The following APAF1 variants were observed in gnomAD, a reference collection of about 807,000 sequenced individuals.
The protein encoded by APAF1 is apoptotic peptidase activating factor 1.
APAF1 carries 91 observed loss-of-function variants against 152.4 expected under a neutral mutation model. That is an observed-to-expected ratio of 0.60 (90% CI 0.50 to 0.71). APAF1 has a LOEUF of 0.71. APAF1 is among the 30% of genes least tolerant of loss of function. The pLI is 0.00. For missense variants in APAF1, 1,283 were observed against 1,472.0 expected (o/e 0.87, Z 2.10); for synonymous variants, 484 against 494.1 (o/e 0.98, Z 0.27).
Position 98,671,698 on chromosome 12 carries a change from G to T in APAF1, c.1772G>T (p.Gly591Val). 1.9e-6 allele frequency: 3 copies of T among 1,614,102 alleles called. No individual in the cohort carries two copies. The highest frequency in any genetic ancestry group is 2.5e-6 in the Non-Finnish European group (3 of 1,180,006). The change falls in exon 12 of 27, where the codon GGA (glycine) becomes GTA (valine). Residue 591 changes from glycine (G) to valine (V), a missense_variant. Coordinates refer to ENST00000551964, the MANE Select transcript of APAF1 (RefSeq NM_181861.2). ...KLQAKQEVDNGMLYLEWINKK... is the reference protein window; with the variant it reads ...KLQAKQEVDNVMLYLEWINKK... Reference sequence around the variant, plus strand: ...CAGGCCAAGCAGGAGGTCGATAATGGAATGCTTTACCTGGAATGGATGTAA... The same window carrying T: ...CAGGCCAAGCAGGAGGTCGATAATGTAATGCTTTACCTGGAATGGATGTAA...
At position 98,718,770 on chromosome 12, in the gene APAF1, G is replaced by A. The variant is rs551951062; in HGVS notation, c.3084+3218G>A. Reference sequence around the variant, plus strand: ...GGCAACATAGCGAGACCCCATCTCTGCAAAACAAAATAATTTAGCCAGGTG... The same window carrying A: ...GGCAACATAGCGAGACCCCATCTCTACAAAACAAAATAATTTAGCCAGGTG... On this transcript the variant is annotated intron_variant, in intron 22 of 26. Transcript: ENST00000551964. Among the ~76,000 whole-genome samples, 5 of 151,676 alleles carry A rather than the reference G, an allele frequency of 3.3e-5. No individual in the cohort carries two copies. The South Asian group carries it at 1.0e-3, about 32-fold the overall frequency.
intron 22 of APAF1, among the ~76,000 whole-genome samples, chr12:98,717,371 T>C (rs2097736059): frequency 6.6e-6 from 1 of 151,314 alleles, no homozygotes; most frequent in African/African-American, 2.4e-5. Flanking sequence ...CACACACATA[T>C]AATTTTTTTT....
In APAF1 at chr12:98,715,457, C is replaced by T; in HGVS notation, c.2989C>T (p.Gln997Ter). 6.2e-7 allele frequency: 1 copy of T among 1,613,104 alleles called. No individual in the cohort carries two copies. The highest frequency in any genetic ancestry group is 8.5e-7 in the Non-Finnish European group (1 of 1,179,618). ...ILELVNNRIF[Q>*]SRFQHKKTVW... is the part of the protein sequence containing the mutation. Reference sequence around the variant, plus strand: ...AGAACTTGTAAACAATAGAATCTTCCAGTCCAGGTTTCAGCACAAGAAAAC... The same window carrying T: ...AGAACTTGTAAACAATAGAATCTTCTAGTCCAGGTTTCAGCACAAGAAAAC... The change falls in exon 22 of 27, where the codon CAG becomes TAG. Residue 997 changes from glutamine (Q) to a stop codon, truncating the protein, a stop_gained. Transcript: ENST00000551964. LOFTEE classifies it high-confidence loss of function.
intron 7 of APAF1, among the ~76,000 whole-genome samples, chr12:98,665,278 A>ATATATATATATATATATATATATATATT (rs1491316422): frequency 1.5e-4 from 10 of 65,978 alleles, no homozygotes; most frequent in South Asian, 5.3e-4. Context: ...ATATATATAT[A>ATATATATATATATATATATATATATATT]TTTTTTTTTT....
chr12:98,673,448 A>AC (rs1283595658), intron 12 of APAF1, among the ~76,000 whole-genome samples: 9 of 151,982 alleles, frequency 5.9e-5, no homozygotes, highest in South Asian at 4.2e-4. Flanking sequence ...AAAACAAAAA[A>AC]AAAAAAAACA....
Position 98,723,619 on chromosome 12 carries a change from G to C in APAF1, c.3205-20G>C, listed in dbSNP as rs989827889. On this transcript the variant is annotated intron_variant, in intron 23 of 26. Coordinates refer to ENST00000551964, the MANE Select transcript of APAF1 (RefSeq NM_181861.2). ...TTCTTAAAAGTGTCAACCTCCAAGTGTTTTTTTTTTTTTTTTAAGGTATGG... is the reference window on the plus strand; with the variant it reads ...TTCTTAAAAGTGTCAACCTCCAAGTCTTTTTTTTTTTTTTTTAAGGTATGG... 108 of 1,367,096 alleles carry C rather than the reference G, an allele frequency of 7.9e-5. No individual in the cohort carries two copies. Among genetic ancestry groups the C allele is most frequent in the Admixed American group, 1.6e-4 (8 of 48,976 alleles). 84.7% of individuals were successfully genotyped at this position (1,367,096 alleles called of 1,614,324 possible). A position where few individuals can be genotyped will look rare whatever the true frequency, so the allele number is the denominator to read the frequency against.
chr12:98,650,377 T>C (rs1420065230), intron 4 of APAF1, among the ~76,000 whole-genome samples: 1 of 151,954 alleles, frequency 6.6e-6, no homozygotes, highest in African/African-American at 2.4e-5. Context: ...TCCCAGCTAC[T>C]CGGGAGGCTG....
intron 17 of APAF1, among the ~76,000 whole-genome samples, 189 bp from the exon 18 acceptor site, chr12:98,703,182 T>G (rs1387896625): frequency 6.6e-6 from 1 of 152,222 alleles, no homozygotes; most frequent in Non-Finnish European, 1.5e-5. Flanking sequence ...AAAATATGTT[T>G]TAAGATGAGC....
rs747973393 is a variant in APAF1 at position 98,666,175 on chromosome 12, T to TA, written c.1195-14dup. The TA allele has an allele frequency of 3.7e-6, 6 of 1,612,596 alleles. No homozygotes were observed. The highest frequency in any genetic ancestry group is 1.1e-5 in the South Asian group (1 of 91,036). ...GTACTTTTGTGGCATATTAAATACT[T>TA]ACAACAATTCCTAGGTGTTATGTAT... On this transcript the variant is annotated splice_polypyrimidine_tract_variant and intron_variant, in intron 8 of 26. Transcript: ENST00000551964.
In APAF1 at chr12:98,725,535, A is replaced by T. The variant is rs547672538; in HGVS notation, c.3451A>T (p.Ile1151Phe). 4.3e-6 allele frequency: 7 copies of T among 1,614,092 alleles called. No homozygotes were observed. In the Admixed American group the frequency reaches 1.2e-4, roughly 27 times the overall value. The change falls in exon 25 of 27, where the codon ATC (isoleucine) becomes TTC (phenylalanine). Residue 1151 changes from isoleucine to phenylalanine, a missense_variant. Coordinates refer to ENST00000551964, the MANE Select transcript of APAF1 (RefSeq NM_181861.2). ...GGCAACGGGAGATGACAATGGAGAA[A>T]TCAGGGTAGGCTGTTTGCTGACATG... ...LLATGDDNGE[I>F]RIWNVSNGEL...
At chr12:98,703,256 G>C (rs1372297822) in intron 17 of APAF1, 115 bp from the exon 18 acceptor site, 2 of 1,126,738 alleles carry the variant, frequency 1.8e-6, no homozygotes, top group Non-Finnish European at 2.7e-6. Context: ...AATTATGCCA[G>C]TTATCAGTAA....
At chr12:98,673,305 A>G (rs1565868403) in intron 12 of APAF1, among the ~76,000 whole-genome samples, 2 of 151,220 alleles carry the variant, frequency 1.3e-5, no homozygotes, top group East Asian at 4.0e-4. Flanking sequence ...ACATGGTGAA[A>G]CCCATCTTTA....
chr12:98,711,563 C>G (rs1449457953), intron 20 of APAF1, among the ~76,000 whole-genome samples: 1 of 152,126 alleles, frequency 6.6e-6, no homozygotes, highest in Non-Finnish European at 1.5e-5. Flanking sequence ...GTACTAGAAA[C>G]AAAGATGCCT....
intron 6 of APAF1, 41 bp from the exon 7 acceptor site, chr12:98,662,634 A>G (rs1354518481): frequency 6.2e-7 from 1 of 1,610,452 alleles, no homozygotes; most frequent in East Asian, 2.2e-5. Flanking sequence ...AATATGTGAC[A>G]TACCAAATTA....
chr12:98,671,797 C>T, intron 12 of APAF1, 78 bp downstream of exon 12: 1 of 1,390,284 alleles, frequency 7.2e-7, no homozygotes, highest in East Asian at 2.3e-5. Context: ...AATACGATCA[C>T]TCCAGGAGGA....
At chr12:98,710,901 A>G (rs1466947288) in intron 20 of APAF1, among the ~76,000 whole-genome samples, 1 of 152,194 alleles carries the variant, frequency 6.6e-6, no homozygotes, top group Non-Finnish European at 1.5e-5. Flanking sequence ...TTTCATCTTT[A>G]CAGTCTCTGA....
At chr12:98,676,779 TG>T (rs1404232372) in intron 12 of APAF1, among the ~76,000 whole-genome samples, 1 of 151,962 alleles carries the variant, frequency 6.6e-6, no homozygotes, top group Non-Finnish European at 1.5e-5. Flanking sequence ...CCCAAGTAGC[TG>T]GGATTACAGG....
intron 16 of APAF1, among the ~76,000 whole-genome samples, chr12:98,696,348 T>C (rs908814418): frequency 6.2e-4 from 94 of 152,256 alleles, no homozygotes; most frequent in African/African-American, 2.2e-3. Context: ...CAGACTGTTT[T>C]CAACAACCCG....
At chr12:98,707,719 A>C (rs1555220837) in intron 19 of APAF1, among the ~76,000 whole-genome samples, 1 of 133,808 alleles carries the variant, frequency 7.5e-6, no homozygotes, top group Non-Finnish European at 1.7e-5. Flanking sequence ...TATACATATA[A>C]ATTTACTAAT....
Sources: gnomAD v4.1 joint callset for allele counts (sites outside exome capture counted in the v4.1 genomes callset) on GRCh38, gnomAD v4.1.1 for gene constraint, MANE v1.5 for transcripts, NCBI Gene and HGNC (gene_info 2026-07-23, HGNC 2026-07-21) for gene names.